BEND7: variants seen among roughly 807,000 people sequenced by gnomAD.
BEND7 encodes the protein BEN domain-containing protein 7.
BEND7 carries 28 observed loss-of-function variants against 50.9 expected under a neutral mutation model. That is an observed-to-expected ratio of 0.55 (90% CI 0.41 to 0.75). The LOEUF (loss-of-function observed/expected upper bound fraction) is 0.75. BEND7 is among the 30% of genes least tolerant of loss of function. The pLI is 0.00. For missense variants in BEND7, 477 were observed against 491.3 expected, an observed-to-expected ratio of 0.97 and a Z score of 0.28; for synonymous variants, 170 against 183.9, an observed-to-expected ratio of 0.92 and a Z score of 0.61.
At chr10:13,461,870 T>C (rs948822237) in intron 6 of BEND7, among the ~76,000 whole-genome samples, 1 of 152,070 alleles carries the variant, frequency 6.6e-6, no homozygotes, top group Non-Finnish European at 1.5e-5. Context: ...AAATGCAGAA[T>C]GAGTTTGAAA....
chr10:13,493,344 A>G (rs2076804734), intron 4 of BEND7, among the ~76,000 whole-genome samples: 1 of 152,194 alleles, frequency 6.6e-6, no homozygotes, highest in South Asian at 2.1e-4. Flanking sequence ...AAGATGAGAC[A>G]GTGATGATCA....
At chr10:13,493,514 T>C (rs1306307559) in intron 4 of BEND7, among the ~76,000 whole-genome samples, 1 of 152,214 alleles carries the variant, frequency 6.6e-6, no homozygotes, top group Non-Finnish European at 1.5e-5. Context: ...AGCACCCTGC[T>C]ACATGGCCTC....
chr10:13,494,334 T>C (rs2076886076), intron 4 of BEND7, among the ~76,000 whole-genome samples: 4 of 152,186 alleles, frequency 2.6e-5, no homozygotes, highest in Non-Finnish European at 5.9e-5. Context: ...GGAGAATCAC[T>C]TGAACCCAGG....
At chr10:13,486,245 G>C (rs1354477717) in intron 5 of BEND7, among the ~76,000 whole-genome samples, 2 of 152,182 alleles carry the variant, frequency 1.3e-5, no homozygotes, top group Non-Finnish European at 2.9e-5. Flanking sequence ...GCCCAGACTG[G>C]TTTCAACTCT....
chr10:13,516,005 C>T (rs2078644402), intron 2 of BEND7, among the ~76,000 whole-genome samples: 1 of 152,194 alleles, frequency 6.6e-6, no homozygotes, highest in Admixed American at 6.5e-5. Context: ...AGGAAACGGC[C>T]TCATCTCAAT....
intron 6 of BEND7, among the ~76,000 whole-genome samples, chr10:13,465,825 G>A (rs577410349): frequency 3.7e-4 from 56 of 152,114 alleles, no homozygotes; most frequent in Middle Eastern, 3.4e-3. Flanking sequence ...GGCTTGAAGA[G>A]TCTTGTTGAA....
intron 6 of BEND7, among the ~76,000 whole-genome samples, chr10:13,465,132 T>A (rs2074101086): frequency 6.6e-6 from 1 of 152,236 alleles, no homozygotes; most frequent in African/African-American, 2.4e-5. Context: ...GTATGGTTCA[T>A]GAAAGAGTAA....
chr10:13,502,746 A>G (rs2077570457), intron 2 of BEND7: 1 of 190,288 alleles, frequency 5.3e-6, no homozygotes, highest in Admixed American at 6.5e-5. Flanking sequence ...GTATGCCTGC[A>G]CTGAAGTCCA....
Position 13,518,660 on chromosome 10 carries a change from T to C in BEND7, c.145+7478A>G, listed in dbSNP as rs191662002. Among the ~76,000 whole-genome samples the C allele has an allele frequency of 3.5e-3, 537 of 152,340 alleles. 5 individuals are homozygous for C. Among genetic ancestry groups the C allele is most frequent in the Non-Finnish European group, 5.5e-3 (377 of 68,030 alleles). The stretch of plus-strand genomic sequence containing the variant: ...GTGAGTTCTCCTTTTCGGTGTCTTC[T>C]GGATTTGAAAAAAGAAGTTGTATCT... On this transcript the variant is annotated intron_variant, in intron 2 of 8. Coordinates refer to ENST00000466271, the MANE Select transcript of BEND7 (RefSeq NM_001369863.1).
At position 13,496,531 on chromosome 10, in the gene BEND7, A is replaced by G. The variant is rs1446169989; in HGVS notation, c.571+235T>C. 2.0e-5 allele frequency among the ~76,000 whole-genome samples: 3 copies of G among 152,236 alleles called. No homozygotes were observed. The East Asian group carries it at 5.8e-4, about 29-fold the overall frequency. On this transcript the variant is annotated intron_variant, in intron 4 of 8. Coordinates refer to ENST00000466271, the MANE Select transcript of BEND7 (RefSeq NM_001369863.1). ...ACTAGGAGATCATGGAATGAAGTCTATCGAGTACATACACATAATTATATG... is the reference window on the plus strand; with the variant it reads ...ACTAGGAGATCATGGAATGAAGTCTGTCGAGTACATACACATAATTATATG...
chr10:13,484,520 A>C (rs982901407), intron 5 of BEND7, among the ~76,000 whole-genome samples: 1 of 152,180 alleles, frequency 6.6e-6, no homozygotes, highest in Non-Finnish European at 1.5e-5. Context: ...TTTAAATGAG[A>C]TCTCTCTGCT....
At chr10:13,456,866 C>G (rs979092145) in intron 6 of BEND7, among the ~76,000 whole-genome samples, 1 of 152,148 alleles carries the variant, frequency 6.6e-6, no homozygotes, top group African/African-American at 2.4e-5. Flanking sequence ...TCTGAATTAG[C>G]AGGAAGTCTT....
chr10:13,500,404 G>T, intron 2 of BEND7: 1 of 638,934 alleles, frequency 1.6e-6, no homozygotes, highest in Non-Finnish European at 2.1e-6. Flanking sequence ...GAGGAAACAG[G>T]CTGAGACAGA....
chr10:13,475,758 T>C (rs559317878), intron 6 of BEND7, among the ~76,000 whole-genome samples: 165 of 152,370 alleles, frequency 1.1e-3, no homozygotes, highest in African/African-American at 3.9e-3. Context: ...CTTTCTTTCT[T>C]TTCAAATACT....
intron 3 of BEND7, 148 bp downstream of exon 3, chr10:13,499,630 T>C (rs1439681621): frequency 1.0e-6 from 1 of 974,768 alleles, no homozygotes; most frequent in Non-Finnish European, 1.5e-6. Context: ...AACTCTTTCC[T>C]TTGTGTCTCC....
At chr10:13,481,681 T>C (rs1323662851) in intron 5 of BEND7, among the ~76,000 whole-genome samples, 1 of 152,258 alleles carries the variant, frequency 6.6e-6, no homozygotes, top group Non-Finnish European at 1.5e-5. Flanking sequence ...TGAAAACTTT[T>C]GTAAACTAAT....
chr10:13,523,172 ATTT>A (rs1257391020), intron 2 of BEND7, among the ~76,000 whole-genome samples: 1 of 152,228 alleles, frequency 6.6e-6, no homozygotes, highest in African/African-American at 2.4e-5. Context: ...GGCTGAACTG[ATTT>A]AAGAGAACTG....
At chr10:13,448,310 G>C (rs1475492576) in intron 7 of BEND7, among the ~76,000 whole-genome samples, 2 of 152,052 alleles carry the variant, frequency 1.3e-5, no homozygotes, top group Non-Finnish European at 2.9e-5. Flanking sequence ...TCACATTATG[G>C]CCCCTGGGAT....
At chr10:13,501,142 A>G (rs1376917263) in intron 2 of BEND7, among the ~76,000 whole-genome samples, 1 of 152,152 alleles carries the variant, frequency 6.6e-6, no homozygotes, top group Non-Finnish European at 1.5e-5. Context: ...TGGGAGGCCG[A>G]GGCGGGTAGA....
Sources: allele counts gnomAD v4.1 joint callset (sites outside exome capture counted in the v4.1 genomes callset), GRCh38; gene constraint gnomAD v4.1.1; transcripts MANE v1.5; gene names NCBI Gene and HGNC (gene_info 2026-07-23, HGNC 2026-07-21).